VAV2: variants seen among roughly 807,000 people sequenced by gnomAD.
The protein encoded by VAV2 is vav guanine nucleotide exchange factor 2, also known as guanine nucleotide exchange factor VAV2.
Under a neutral mutation model 132.5 loss-of-function variants are expected in VAV2, and 67 were observed. The ratio of observed to expected loss-of-function variants is 0.51; its 90% CI spans 0.42 to 0.62. The LOEUF is 0.62. Among genes scored for constraint, VAV2 ranks in the 20% least tolerant of loss-of-function variants. VAV2 has a pLI of 0.00. For missense variants in VAV2, 938 were observed against 1,153.6 expected (o/e 0.81, Z 2.71); for synonymous variants, 492 against 443.5 (o/e 1.11, Z -1.37).
At chr9:133,939,968 A>G (rs1330820665) in intron 1 of VAV2, among the ~76,000 whole-genome samples, 1 of 152,240 alleles carries the variant, frequency 6.6e-6, no homozygotes, top group Non-Finnish European at 1.5e-5. Context: ...GACGTGCCAC[A>G]GGGGCGGAAG....
At position 133,931,860 on chromosome 9, in the gene VAV2, G is replaced by A. The variant is rs550162800; in HGVS notation, c.321+7243C>T. 2.0e-5 allele frequency among the ~76,000 whole-genome samples: 3 copies of A among 152,292 alleles called. 1 individual carries two copies. The highest frequency in any genetic ancestry group is 3.9e-4 in the East Asian group (2 of 5,184). Reference sequence around the variant, plus strand: ...GCACCTGGGGAGGGAGGACAGCGAGGGTTTGAGGACCCAAGAAACTCACAG... The same window carrying A: ...GCACCTGGGGAGGGAGGACAGCGAGAGTTTGAGGACCCAAGAAACTCACAG... On this transcript the variant is annotated intron_variant, in intron 2 of 29. Coordinates refer to ENST00000371850, the MANE Select transcript of VAV2 (RefSeq NM_001134398.2).
At chr9:133,971,994 T>C (rs114861125) in intron 1 of VAV2, among the ~76,000 whole-genome samples, 5,608 of 152,150 alleles carry the variant, frequency 0.037, 136 homozygotes, top group Middle Eastern at 0.054. Flanking sequence ...GAGATGCAGA[T>C]AGGCACAGAA....
In VAV2 at chr9:133,977,198, C is replaced by T. The variant is rs367948163; in HGVS notation, c.204+14877G>A. On this transcript the variant is annotated intron_variant, in intron 1 of 29. Coordinates refer to ENST00000371850, the MANE Select transcript of VAV2 (RefSeq NM_001134398.2). ...GGCAGAGTGAGGCCCCCCCAGCATCCCACGAGGACCTCCGGCATCCAATGG... is the reference window on the plus strand; with the variant it reads ...GGCAGAGTGAGGCCCCCCCAGCATCTCACGAGGACCTCCGGCATCCAATGG... Among the ~76,000 whole-genome samples the T allele has an allele frequency of 3.2e-4, 49 of 152,348 alleles. 3 individuals carry two copies. In the East Asian group the frequency reaches 9.3e-3, roughly 29 times the overall value.
At chr9:133,948,699 A>T (rs1196002425) in intron 1 of VAV2, among the ~76,000 whole-genome samples, 2 of 152,248 alleles carry the variant, frequency 1.3e-5, no homozygotes, top group African/African-American at 4.8e-5. Context: ...CGATGTGCTA[A>T]AACAACGTCC....
rs140867822 is a variant in VAV2 at position 133,835,131 on chromosome 9, G to A, written c.381-791C>T. On this transcript the variant is annotated intron_variant, in intron 3 of 29. Coordinates refer to ENST00000371850, the MANE Select transcript of VAV2 (RefSeq NM_001134398.2). Reference sequence around the variant, plus strand: ...AGTCTCATTTTTGTGGAACTGTCATGCATATGTACATAATTATAATTGTTT... The same window carrying A: ...AGTCTCATTTTTGTGGAACTGTCATACATATGTACATAATTATAATTGTTT... 8.7e-3 allele frequency among the ~76,000 whole-genome samples: 1,329 copies of A among 152,268 alleles called. 36 individuals are homozygous for A. The highest frequency in any genetic ancestry group is 0.054 in the Admixed American group (826 of 15,290).
rs1564381091 is a variant in VAV2 at position 133,824,005 on chromosome 9, G to A, written c.449+10267C>T. On this transcript the variant is annotated intron_variant, in intron 4 of 29. Transcript: ENST00000371850. The surrounding 1 kb of genome is among the most constrained non-coding windows in gnomAD (Gnocchi z 5.2). ...GGTGGGGGTGGGGGAGCAGGGTTTCGAGGTCACTGAAGCCCCCAGCCACGT... is the reference window on the plus strand; with the variant it reads ...GGTGGGGGTGGGGGAGCAGGGTTTCAAGGTCACTGAAGCCCCCAGCCACGT... 2.0e-5 allele frequency among the ~76,000 whole-genome samples: 3 copies of A among 152,066 alleles called. No individual in the cohort carries two copies. The highest frequency in any genetic ancestry group is 1.9e-4 in the East Asian group (1 of 5,172).
intron 2 of VAV2, among the ~76,000 whole-genome samples, chr9:133,914,257 C>T (rs1454283863): frequency 3.9e-5 from 6 of 152,140 alleles, no homozygotes; most frequent in Non-Finnish European, 5.9e-5. Context: ...CCAGCAATCC[C>T]GCTCCTGGGT....
intron 3 of VAV2, among the ~76,000 whole-genome samples, chr9:133,843,285 G>A (rs1289279392): frequency 6.6e-6 from 1 of 152,236 alleles, no homozygotes; most frequent in East Asian, 1.9e-4. Flanking sequence ...GGGAAACCAG[G>A]AAGGGCTTCT....
At chr9:133,955,478 A>T (rs1319205175) in intron 1 of VAV2, among the ~76,000 whole-genome samples, 1 of 40,420 alleles carries the variant, frequency 2.5e-5, no homozygotes, top group Non-Finnish European at 4.5e-5. Flanking sequence ...TGCTGCCCCA[A>T]CTCTCCCCAT....
chr9:133,792,083 CAGCA>C, intron 12 of VAV2, among the ~76,000 whole-genome samples: 1 of 103,664 alleles, frequency 9.6e-6, no homozygotes, highest in South Asian at 3.3e-4. Context: ...GTGTGTGAGA[CAGCA>C]TGTGTGTGTG....
chr9:133,864,943 A>G (rs1051364775), intron 2 of VAV2, among the ~76,000 whole-genome samples: 3 of 152,140 alleles, frequency 2.0e-5, no homozygotes, highest in East Asian at 1.9e-4. Context: ...TTTATCTCCA[A>G]TGTCTTCAGG....
intron 2 of VAV2, among the ~76,000 whole-genome samples, chr9:133,862,758 T>C (rs1258789409): frequency 6.6e-6 from 1 of 152,216 alleles, no homozygotes; most frequent in Non-Finnish European, 1.5e-5. Context: ...GCACATTTGC[T>C]AGACAGGAAA....
intron 1 of VAV2, among the ~76,000 whole-genome samples, chr9:133,974,777 C>CAGCACTGCACCT (rs2132269226): frequency 6.6e-6 from 1 of 152,298 alleles, no homozygotes; most frequent in South Asian, 2.1e-4. Context: ...GCCCTGCACC[C>CAGCACTGCACCT]AGCACTGCAC....
At chr9:133,947,709 A>C (rs1050641104) in intron 1 of VAV2, among the ~76,000 whole-genome samples, 16 of 151,926 alleles carry the variant, frequency 1.1e-4, no homozygotes, top group Non-Finnish European at 1.3e-4. Flanking sequence ...CAAAAAAAAA[A>C]AAACAAACTG....
intron 2 of VAV2, among the ~76,000 whole-genome samples, chr9:133,869,376 C>T (rs747306672): frequency 1.2e-4 from 18 of 151,972 alleles, no homozygotes; most frequent in Non-Finnish European, 2.1e-4. Context: ...GAGGCTGAGA[C>T]GGGAGGATTG....
intron 1 of VAV2, among the ~76,000 whole-genome samples, chr9:133,943,313 T>A (rs745546320): frequency 1.3e-5 from 2 of 152,116 alleles, no homozygotes; most frequent in Non-Finnish European, 2.9e-5. Context: ...TGCAGGTGCA[T>A]CATGGCCACA....
chr9:133,899,796 T>C lies in VAV2; in HGVS notation c.322-38364A>G, dbSNP rs1323186292. On this transcript the variant is annotated intron_variant, in intron 2 of 29. Coordinates refer to ENST00000371850, the MANE Select transcript of VAV2 (RefSeq NM_001134398.2). ...CAGCACTTTGGGAGGCCGAGGCGGG[T>C]GGATCACGAGGTCAGGAGGTCGAGA... 2.0e-5 allele frequency among the ~76,000 whole-genome samples: 3 copies of C among 148,868 alleles called. No homozygotes were observed. In the East Asian group the frequency reaches 6.0e-4, roughly 30 times the overall value.
At chr9:133,877,051 C>T (rs1838292234) in intron 2 of VAV2, among the ~76,000 whole-genome samples, 1 of 152,104 alleles carries the variant, frequency 6.6e-6, no homozygotes, top group South Asian at 2.1e-4. Flanking sequence ...AGTCTCCCTC[C>T]CCACCCACCT....
At chr9:133,784,702 G>A (rs556310354) in intron 17 of VAV2, among the ~76,000 whole-genome samples, 9 of 152,214 alleles carry the variant, frequency 5.9e-5, no homozygotes, top group Non-Finnish European at 1.2e-4. Flanking sequence ...CTTGGATGTG[G>A]GCAGGTGTGG....
Sources: gnomAD v4.1 joint callset for allele counts (sites outside exome capture counted in the v4.1 genomes callset) on GRCh38, gnomAD v4.1.1 for gene constraint, Gnocchi (gnomAD v3.1) non-coding constraint, MANE v1.5 for transcripts, NCBI Gene and HGNC (gene_info 2026-07-23, HGNC 2026-07-21) for gene names.